Variants in IMMP2L observed in about 807,000 individuals in gnomAD.
IMMP2L encodes mitochondrial inner membrane protease subunit 2.
In IMMP2L, 18 loss-of-function variants were observed where a neutral mutation model predicts 19.3. The ratio of observed to expected loss-of-function variants is 0.93; its 90% CI spans 0.64 to 1.38. IMMP2L has a LOEUF of 1.38. IMMP2L is among the 40% of genes most tolerant of loss of function. IMMP2L has a pLI of 0.00. For missense variants in IMMP2L, 233 were observed against 218.2 expected, an observed-to-expected ratio of 1.07 and a Z score of -0.43; for synonymous variants, 76 against 73.0, an observed-to-expected ratio of 1.04 and a Z score of -0.21.
chr7:111,024,056 C>T (rs539646333), intron 3 of IMMP2L, among the ~76,000 whole-genome samples: 10 of 152,066 alleles, frequency 6.6e-5, no homozygotes, highest in South Asian at 4.2e-4. Context: ...AAATATTGGC[C>T]GTGTGAATTC....
At chr7:110,804,873 C>G (rs1409260154) in intron 5 of IMMP2L, among the ~76,000 whole-genome samples, 2 of 152,074 alleles carry the variant, frequency 1.3e-5, no homozygotes, top group African/African-American at 4.8e-5. Flanking sequence ...ACCCTGCAGT[C>G]TAAGCCAGAA....
At chr7:110,873,491 T>C (rs1169807625) in intron 5 of IMMP2L, among the ~76,000 whole-genome samples, 5 of 132,416 alleles carry the variant, frequency 3.8e-5, no homozygotes, top group Non-Finnish European at 1.6e-5. Context: ...TGGCTGGGCA[T>C]GGTGGCTCAC....
At chr7:110,942,342 T>C (rs1024050104) in intron 4 of IMMP2L, among the ~76,000 whole-genome samples, 3 of 151,850 alleles carry the variant, frequency 2.0e-5, no homozygotes, top group Non-Finnish European at 4.4e-5. Context: ...ACTGGAAGTG[T>C]TTTAAAAATT....
chr7:111,083,124 T>A (rs1389522779), intron 3 of IMMP2L, among the ~76,000 whole-genome samples: 2 of 152,224 alleles, frequency 1.3e-5, no homozygotes, highest in African/African-American at 2.4e-5. Context: ...GTTGAAGTTT[T>A]ATGTATGTGT....
intron 5 of IMMP2L, among the ~76,000 whole-genome samples, chr7:110,701,385 T>C (rs1794276776): frequency 1.3e-5 from 2 of 152,288 alleles, no homozygotes; most frequent in South Asian, 4.1e-4. Flanking sequence ...ACATATATTA[T>C]CTCATTAAAT....
chr7:110,942,943 T>C (rs773867783), intron 4 of IMMP2L, among the ~76,000 whole-genome samples: 2 of 151,906 alleles, frequency 1.3e-5, no homozygotes, highest in Non-Finnish European at 2.9e-5. Flanking sequence ...TTATCAAACA[T>C]GCAAATATTT....
At chr7:111,476,705 T>A (rs1189708017) in intron 3 of IMMP2L, among the ~76,000 whole-genome samples, 14 of 152,322 alleles carry the variant, frequency 9.2e-5, no homozygotes, top group Non-Finnish European at 1.5e-5. Flanking sequence ...TGATCTTTGA[T>A]TGAAGGTTAT....
At chr7:110,837,186 T>C (rs531592335) in intron 5 of IMMP2L, among the ~76,000 whole-genome samples, 3 of 152,218 alleles carry the variant, frequency 2.0e-5, no homozygotes, top group South Asian at 4.1e-4. Flanking sequence ...AAGGAATGGA[T>C]TACATCTACA....
chr7:111,191,411 G>A (rs1173299482), intron 3 of IMMP2L, among the ~76,000 whole-genome samples: 5 of 142,926 alleles, frequency 3.5e-5, no homozygotes, highest in Non-Finnish European at 7.5e-5. Flanking sequence ...CTGTAACAAG[G>A]TAAAATGCTG....
intron 3 of IMMP2L, among the ~76,000 whole-genome samples, chr7:111,339,837 T>C (rs369159133): frequency 1.3e-5 from 2 of 152,054 alleles, no homozygotes; most frequent in East Asian, 1.9e-4. Context: ...CCAAACACCA[T>C]ACTGAAAGGA....
intron 5 of IMMP2L, among the ~76,000 whole-genome samples, chr7:110,814,587 T>A (rs897015185): frequency 6.6e-5 from 10 of 150,832 alleles, no homozygotes; most frequent in African/African-American, 2.4e-4. Flanking sequence ...CAGGACAACC[T>A]GATTTCTTTT....
At chr7:111,329,330 A>C (rs1825644936) in intron 3 of IMMP2L, among the ~76,000 whole-genome samples, 1 of 151,838 alleles carries the variant, frequency 6.6e-6, no homozygotes, top group African/African-American at 2.4e-5. Flanking sequence ...ATAACTAGAA[A>C]ACAAGGAAAC....
In IMMP2L at chr7:111,123,037, G is replaced by A. The variant is rs772927353; in HGVS notation, c.240-159472C>T. The A allele has an allele frequency of 1.9e-5, 30 of 1,613,812 alleles. No homozygotes were observed. The Admixed American group carries it at 4.5e-4, about 24-fold the overall frequency. On this transcript the variant is annotated intron_variant, in intron 3 of 5. Transcript: ENST00000405709. The surrounding 1 kb of genome is among the most constrained non-coding windows in gnomAD (Gnocchi z 6.4). Reference sequence around the variant, plus strand: ...TATTGCAAAAATTGAATACTCCACAGACTTTCCAGTAAACCTTACTGGCCT... The same window carrying A: ...TATTGCAAAAATTGAATACTCCACAAACTTTCCAGTAAACCTTACTGGCCT...
chr7:111,144,766 TTAAC>T (rs911576463), intron 3 of IMMP2L, among the ~76,000 whole-genome samples: 48 of 152,156 alleles, frequency 3.2e-4, no homozygotes, highest in Non-Finnish European at 1.2e-4. Flanking sequence ...TAGATGTTTC[TTAAC>T]TATTTATGTG....
intron 5 of IMMP2L, among the ~76,000 whole-genome samples, chr7:110,796,097 T>C (rs1035017089): frequency 6.6e-6 from 1 of 152,074 alleles, no homozygotes; most frequent in Non-Finnish European, 1.5e-5. Context: ...TCTCATTTCT[T>C]CCTGCTGCCA....
chr7:111,445,979 G>A (rs908242962), intron 3 of IMMP2L, among the ~76,000 whole-genome samples: 28 of 152,122 alleles, frequency 1.8e-4, no homozygotes, highest in South Asian at 6.2e-4. Context: ...ACTCCCACCC[G>A]AATATTGCGC....
chr7:111,006,949 C>T (rs1451655641), intron 3 of IMMP2L, among the ~76,000 whole-genome samples: 1 of 152,102 alleles, frequency 6.6e-6, no homozygotes, highest in African/African-American at 2.4e-5. Context: ...GCATTTCTAT[C>T]ATATTTCTGA....
chr7:111,071,520 A>T (rs1794949686), intron 3 of IMMP2L, among the ~76,000 whole-genome samples: 1 of 152,226 alleles, frequency 6.6e-6, no homozygotes, highest in African/African-American at 2.4e-5. Flanking sequence ...TGGAGAAACA[A>T]AATGTTATAT....
chr7:111,302,008 C>A (rs1294250963), intron 3 of IMMP2L, among the ~76,000 whole-genome samples: 1 of 146,656 alleles, frequency 6.8e-6, no homozygotes, highest in Non-Finnish European at 1.5e-5. Context: ...TCCAGGCTCA[C>A]AGAGCTGTAC....
Sources: gnomAD v4.1 joint callset for allele counts (sites outside exome capture counted in the v4.1 genomes callset) on GRCh38, gnomAD v4.1.1 for gene constraint, Gnocchi (gnomAD v3.1) non-coding constraint, MANE v1.5 for transcripts, NCBI Gene and HGNC (gene_info 2026-07-23, HGNC 2026-07-21) for gene names.